The following CTXN2 variants were observed in gnomAD, a reference collection of about 807,000 sequenced individuals.
The protein encoded by CTXN2 is cortexin 2, also known as cortexin-2.
A neutral mutation model predicts 5.7 loss-of-function variants in CTXN2; 3 were observed. The observed-to-expected ratio is 0.53, with a 90% CI of 0.24 to 1.36. CTXN2 has a LOEUF of 1.36. Among genes scored for constraint, CTXN2 ranks in the 40% most tolerant of loss-of-function variants. CTXN2 has a pLI of 0.17. For synonymous variants in CTXN2, 38 were observed against 36.4 expected, an observed-to-expected ratio of 1.04 and a Z score of -0.16; for missense variants, 87 against 93.0, an observed-to-expected ratio of 0.94 and a Z score of 0.26.
intron 1 of CTXN2, among the ~76,000 whole-genome samples, chr15:48,192,997 A>G (rs1435711292): frequency 6.6e-6 from 1 of 152,226 alleles, no homozygotes; most frequent in African/African-American, 2.4e-5. Flanking sequence ...AAGGCTGCAT[A>G]TCAGGTATAA....
chr15:48,190,336 A>T (rs1706505090), upstream of CTXN2, among the ~76,000 whole-genome samples: 1 of 152,210 alleles, frequency 6.6e-6, no homozygotes, highest in Non-Finnish European at 1.5e-5. Flanking sequence ...GGGTCAATAA[A>T]ACCATGGCCA....
At chr15:48,194,940 C>T (rs2040862806) in intron 1 of CTXN2, among the ~76,000 whole-genome samples, 1 of 152,096 alleles carries the variant, frequency 6.6e-6, no homozygotes, top group African/African-American at 2.4e-5. Flanking sequence ...TGGGCTCTCT[C>T]CATCCTGTAT....
chr15:48,199,298 A>G (rs2040908273), intron 1 of CTXN2, among the ~76,000 whole-genome samples: 1 of 152,174 alleles, frequency 6.6e-6, no homozygotes, highest in African/African-American at 2.4e-5. Context: ...CTGACAGCTG[A>G]AGACTGTTTG....
intron 1 of CTXN2, among the ~76,000 whole-genome samples, chr15:48,195,754 C>T (rs1259848493): frequency 6.6e-6 from 1 of 151,836 alleles, no homozygotes; most frequent in Non-Finnish European, 1.5e-5. Context: ...TTTTTTTCAC[C>T]AAGATGTTGA....
At position 48,202,628 on chromosome 15, in the gene CTXN2, T is replaced by A. The variant is rs2040937664; in HGVS notation, c.*1082T>A. On this transcript the variant is annotated 3_prime_UTR_variant, in exon 2 of 2. Coordinates refer to ENST00000417307, the MANE Select transcript of CTXN2 (RefSeq NM_001145668.2). The stretch of plus-strand genomic sequence containing the variant: ...AGCAATATTGAGAGGGCCAATTAGA[T>A]ATAATGAATGTGAAAGCATTTTGTA... 1 of 167,050 alleles carries A rather than the reference T, an allele frequency of 6.0e-6. No individual in the cohort carries two copies. Among genetic ancestry groups the A allele is most frequent in the Non-Finnish European group, 1.5e-5 (1 of 68,104 alleles). The allele number at this position is 167,050 out of a possible 1,614,324, so 10.3% of individuals were successfully genotyped here. A position where few individuals can be genotyped will look rare whatever the true frequency, so the allele number is the denominator to read the frequency against.
At chr15:48,186,392 C>T (rs919297616) in intron 1 of CTXN2, among the ~76,000 whole-genome samples, 2 of 152,188 alleles carry the variant, frequency 1.3e-5, no homozygotes, top group Non-Finnish European at 2.9e-5. Context: ...GCTCAATTCA[C>T]TTAGGAGTCC....
At chr15:48,186,901 C>A, upstream of CTXN2, among the ~76,000 whole-genome samples, 1 of 137,672 alleles carries the variant, frequency 7.3e-6, no homozygotes, top group Non-Finnish European at 1.5e-5. Flanking sequence ...CAGAGGGAGA[C>A]TCCATCTCAA....
At chr15:48,191,416 T>A, upstream of CTXN2, 1 of 198,870 alleles carries the variant, frequency 5.0e-6, no homozygotes, top group Admixed American at 5.3e-5. Context: ...AAAAAAGGAG[T>A]GTCTATTTTT....
At chr15:48,197,545 G>A (rs1298020079) in intron 1 of CTXN2, among the ~76,000 whole-genome samples, 1 of 152,024 alleles carries the variant, frequency 6.6e-6, no homozygotes, top group East Asian at 1.9e-4. Flanking sequence ...CTAGTACCAA[G>A]AAAAGTACTG....
chr15:48,182,071 G>A (rs1403603952), intron 1 of CTXN2, among the ~76,000 whole-genome samples: 2 of 151,972 alleles, frequency 1.3e-5, no homozygotes, highest in African/African-American at 4.8e-5. Flanking sequence ...CTGACGATTA[G>A]CTATTTACCA....
upstream of CTXN2, chr15:48,191,575 A>G (rs1179003911): frequency 7.7e-6 from 3 of 391,706 alleles, no homozygotes; most frequent in Non-Finnish European, 1.5e-5. Flanking sequence ...GAGCGCAAAT[A>G]TTTACACACT....
chr15:48,195,535 G>A (rs1233773789), intron 1 of CTXN2, among the ~76,000 whole-genome samples: 1 of 152,066 alleles, frequency 6.6e-6, no homozygotes, highest in Admixed American at 6.6e-5. Flanking sequence ...CCCCTTGCCT[G>A]TACCAAATTG....
chr15:48,195,036 G>T (rs775697157), intron 1 of CTXN2, among the ~76,000 whole-genome samples: 32 of 152,060 alleles, frequency 2.1e-4, no homozygotes, highest in Non-Finnish European at 3.5e-4. Context: ...AAATGATCTG[G>T]ATAAATTTAT....
At chr15:48,187,252 G>GA (rs947411943), upstream of CTXN2, among the ~76,000 whole-genome samples, 122 of 128,694 alleles carry the variant, frequency 9.5e-4, 1 homozygote, top group Admixed American at 1.5e-3. Flanking sequence ...TTCATTTTTT[G>GA]AAAAAAAAAA....
Position 48,191,821 on chromosome 15 carries a change from T to C in CTXN2, c.-90T>C, listed in dbSNP as rs28447539. On this transcript the variant is annotated 5_prime_UTR_variant, in exon 1 of 2. Coordinates refer to ENST00000417307, the MANE Select transcript of CTXN2 (RefSeq NM_001145668.2). ...CGTGCCAACACTTAAGTCTACTGGC[T>C]GGACTTCATCTCCATGGCAACAAGC... is the stretch of plus-strand genomic sequence containing the variant. 3.5e-3 allele frequency: 1,588 copies of C among 456,050 alleles called. 12 individuals carry two copies. The highest frequency in any genetic ancestry group is 3.2e-3 in the Non-Finnish European group (718 of 226,808). 28.3% of individuals were successfully genotyped at this position (456,050 alleles called of 1,614,324 possible).
intron 1 of CTXN2, among the ~76,000 whole-genome samples, chr15:48,193,127 C>G (rs2040840353): frequency 6.6e-6 from 1 of 152,096 alleles, no homozygotes; most frequent in Non-Finnish European, 1.5e-5. Context: ...GAGATTTGGG[C>G]TATTTGATAT....
chr15:48,187,636 G>A (rs1285321615), upstream of CTXN2, among the ~76,000 whole-genome samples: 1 of 152,172 alleles, frequency 6.6e-6, no homozygotes, highest in African/African-American at 2.4e-5. Context: ...ATTTATGCAA[G>A]CTAAATTTTC....
upstream of CTXN2, chr15:48,190,964 T>C (rs149056103): frequency 7.2e-4 from 109 of 152,426 alleles, no homozygotes; most frequent in African/African-American, 2.6e-3. Flanking sequence ...ATCAGAGCGT[T>C]TCCTGGCTGC....
At chr15:48,195,213 G>A (rs2040865638) in intron 1 of CTXN2, among the ~76,000 whole-genome samples, 1 of 152,030 alleles carries the variant, frequency 6.6e-6, no homozygotes, top group South Asian at 2.1e-4. Flanking sequence ...GCTTAATAGT[G>A]TAGAGTCATC....
Sources: allele counts gnomAD v4.1 joint callset (sites outside exome capture counted in the v4.1 genomes callset), GRCh38; gene constraint gnomAD v4.1.1; transcripts MANE v1.5; gene names NCBI Gene and HGNC (gene_info 2026-07-23, HGNC 2026-07-21).